Variants in MRTFB observed in about 807,000 individuals in gnomAD.
The protein encoded by MRTFB is myocardin related transcription factor B.
A neutral mutation model predicts 104.2 loss-of-function variants in MRTFB; 29 were observed. The observed-to-expected ratio is 0.28, with a 90% CI of 0.21 to 0.38. The LOEUF (loss-of-function observed/expected upper bound fraction) is 0.38. MRTFB is among the 10% of genes least tolerant of loss of function. The probability of loss-of-function intolerance (pLI) is 1.00; values close to 1 mark genes in which losing one functional copy is unlikely to be tolerated. For missense variants in MRTFB, 1,270 were observed against 1,341.6 expected (o/e 0.95, Z 0.83); for synonymous variants, 535 against 519.5 (o/e 1.03, Z -0.41).
At chr16:14,038,982 T>C in the MRTFB span, among the ~76,000 whole-genome samples, 14 of 152,198 alleles carry the variant, frequency 9.2e-5, no homozygotes, top group African/African-American at 3.4e-4. Context: ...TGAGACTTAT[T>C]TGCTACCACG....
At chr16:14,114,744 C>G (rs1288459879) in intron 2 of MRTFB, among the ~76,000 whole-genome samples, 1 of 152,160 alleles carries the variant, frequency 6.6e-6, no homozygotes, top group African/African-American at 2.4e-5. Flanking sequence ...TTTGTAGATT[C>G]CTTTCTAGTG....
At position 14,144,549 on chromosome 16, in the gene MRTFB, G is replaced by A. The variant is rs117722655; in HGVS notation, c.154+3789G>A. On this transcript the variant is annotated intron_variant, in intron 3 of 16. Coordinates refer to ENST00000571589, the MANE Select transcript of MRTFB (RefSeq NM_001308142.2). ...AAATTGCTAAGATAGTAGATTTTAA[G>A]TGTTGTCACCACGAAAAAAATAGTA... The A allele has an allele frequency of 1.8e-4, 27 of 152,242 alleles. 1 individual carries two copies. In the East Asian group the frequency reaches 5.0e-3, roughly 28 times the overall value. 9.4% of individuals were successfully genotyped at this position (152,242 alleles called of 1,614,324 possible).
intron 4 of MRTFB, 137 bp from the exon 5 acceptor site, chr16:14,212,217 T>A (rs941116625): frequency 2.7e-6 from 2 of 745,286 alleles, no homozygotes; most frequent in Non-Finnish European, 4.3e-6. Context: ...ATTTTGCAGG[T>A]CTCCTAATGG....
chr16:14,226,843 A>G (rs974637022), intron 8 of MRTFB, among the ~76,000 whole-genome samples: 1 of 152,028 alleles, frequency 6.6e-6, no homozygotes, highest in Non-Finnish European at 1.5e-5. Flanking sequence ...TTAGCTGGGC[A>G]TGGTGGCGTG....
intron 6 of MRTFB, among the ~76,000 whole-genome samples, chr16:14,215,845 G>T (rs1003619020): frequency 1.3e-5 from 2 of 152,172 alleles, no homozygotes; most frequent in African/African-American, 4.8e-5. Flanking sequence ...AATGAATGGA[G>T]TTCACATCAA....
chr16:14,219,817 C>A (rs1358365302), intron 8 of MRTFB, among the ~76,000 whole-genome samples: 1 of 151,908 alleles, frequency 6.6e-6, no homozygotes. Context: ...AAAATGTGAG[C>A]CTATGAGAGG....
chr16:14,217,111 T>C lies in MRTFB; in HGVS notation c.353-15T>C, dbSNP rs749094812. On this transcript the variant is annotated splice_polypyrimidine_tract_variant and intron_variant, in intron 6 of 16. Coordinates refer to ENST00000571589, the MANE Select transcript of MRTFB (RefSeq NM_001308142.2). ...GTAATTCGAGTAATGGTTAAAACTG[T>C]GTTTCCTCTTTTAGAAACATTTGCA... 1 of 1,598,222 alleles carries C rather than the reference T, an allele frequency of 6.3e-7. No individual in the cohort carries two copies. Among genetic ancestry groups the C allele is most frequent in the Non-Finnish European group, 8.5e-7 (1 of 1,173,814 alleles).
In MRTFB at chr16:14,123,362, A is replaced by G. The variant is rs143458734; in HGVS notation, c.-63-17182A>G. Among the ~76,000 whole-genome samples the G allele has an allele frequency of 9.1e-4, 138 of 152,300 alleles. 1 individual carries two copies. The East Asian group carries it at 0.018, about 20-fold the overall frequency. On this transcript the variant is annotated intron_variant, in intron 2 of 16. Transcript: ENST00000571589. ...TAGACATGAAGTCCTTGCCATGCCTATGTCCTAAATGGTATTGCCTAGGTT... is the reference window on the plus strand; with the variant it reads ...TAGACATGAAGTCCTTGCCATGCCTGTGTCCTAAATGGTATTGCCTAGGTT...
chr16:13,996,136 G>A, the MRTFB span, among the ~76,000 whole-genome samples: 3 of 152,030 alleles, frequency 2.0e-5, no homozygotes, highest in African/African-American at 7.2e-5. Context: ...GCCAGGCATG[G>A]TAGTACACAC....
chr16:14,260,376 A>G (rs2043719147), intron 16 of MRTFB, among the ~76,000 whole-genome samples: 3 of 152,108 alleles, frequency 2.0e-5, no homozygotes, highest in South Asian at 4.1e-4. Context: ...AAAGGAAAAA[A>G]GAATGTAATT....
intron 9 of MRTFB, among the ~76,000 whole-genome samples, chr16:14,235,700 G>C (rs1051792804): frequency 3.3e-5 from 5 of 152,152 alleles, no homozygotes; most frequent in African/African-American, 1.2e-4. Flanking sequence ...GGGGCTGATA[G>C]GTAGTAGCAG....
chr16:14,243,864 G>GTTTTTTTTTTTTTTTTTTTTTTTGTT, intron 10 of MRTFB, among the ~76,000 whole-genome samples: 1 of 124,676 alleles, frequency 8.0e-6, no homozygotes, highest in Non-Finnish European at 1.6e-5. Context: ...CCTGTTTTGG[G>GTTTTTTTTTTTTTTTTTTTTTTTGTT]TTTTTTTTTT....
intron 2 of MRTFB, among the ~76,000 whole-genome samples, chr16:14,139,512 T>A (rs181270611): frequency 6.6e-6 from 1 of 152,344 alleles, no homozygotes. Context: ...TTCTTAAAAA[T>A]TTAAACATAG....
At chr16:14,247,691 G>C in intron 12 of MRTFB, 184 bp downstream of exon 12, 1 of 599,770 alleles carries the variant, frequency 1.7e-6, no homozygotes, top group South Asian at 2.3e-5. Flanking sequence ...TTTATATAGT[G>C]AAAAAAACAC....
chr16:14,197,106 G>A (rs2040472533), intron 3 of MRTFB, among the ~76,000 whole-genome samples: 1 of 150,270 alleles, frequency 6.7e-6, no homozygotes, highest in South Asian at 2.1e-4. Context: ...AGCCTCCCAA[G>A]CAGCTGGGAT....
At chr16:14,023,606 CACACATACATATACAT>C in the MRTFB span, among the ~76,000 whole-genome samples, 2 of 39,594 alleles carry the variant, frequency 5.1e-5, no homozygotes, top group African/African-American at 2.0e-4. Flanking sequence ...CACACACACA[CACACATACATATACAT>C]ATACATATAC....
chr16:14,069,538 G>A (rs561168669), upstream of MRTFB, among the ~76,000 whole-genome samples: 1 of 152,222 alleles, frequency 6.6e-6, no homozygotes, highest in East Asian at 1.9e-4. Context: ...CAGACTGGAG[G>A]GCAGTGGCAC....
chr16:14,059,146 A>G, the MRTFB span, among the ~76,000 whole-genome samples: 9 of 152,258 alleles, frequency 5.9e-5, no homozygotes, highest in South Asian at 4.1e-4. Flanking sequence ...ACATACAGAC[A>G]ATGCTCAAAT....
chr16:14,254,587 G>T (rs1471784260), intron 15 of MRTFB, among the ~76,000 whole-genome samples: 1 of 152,240 alleles, frequency 6.6e-6, no homozygotes, highest in South Asian at 2.1e-4. Flanking sequence ...CCATACAGGC[G>T]TGGAATGGAC....
Sources: gnomAD v4.1 joint callset for allele counts (sites outside exome capture counted in the v4.1 genomes callset) on GRCh38, gnomAD v4.1.1 for gene constraint, MANE v1.5 for transcripts, NCBI Gene and HGNC (gene_info 2026-07-23, HGNC 2026-07-21) for gene names.